Variants in SNX29 observed in about 807,000 individuals in gnomAD.
The protein encoded by SNX29 is sorting nexin 29.
A neutral mutation model predicts 102.1 loss-of-function variants in SNX29; 78 were observed. The observed-to-expected ratio is 0.76, with a 90% CI of 0.64 to 0.92. The LOEUF (loss-of-function observed/expected upper bound fraction) is 0.92. Ranked by LOEUF, SNX29 falls within the 40% of genes least tolerant of loss-of-function variation. SNX29 has a pLI of 0.00. For synonymous variants in SNX29, 580 were observed against 414.5 expected (o/e 1.40, Z -4.85); for missense variants, 1,280 against 1,061.7 (o/e 1.21, Z -2.86).
chr16:12,260,876 G>A (rs983156718), intron 14 of SNX29, among the ~76,000 whole-genome samples: 1 of 150,308 alleles, frequency 6.7e-6, no homozygotes, highest in African/African-American at 2.5e-5. Context: ...GCTTGGGTCT[G>A]TGCATGCGTC....
At chr16:12,037,201 G>C (rs2057499948) in intron 4 of SNX29, among the ~76,000 whole-genome samples, 1 of 152,146 alleles carries the variant, frequency 6.6e-6, no homozygotes, top group African/African-American at 2.4e-5. Flanking sequence ...TCTGCCACTG[G>C]AGCAGAAACT....
Position 12,122,350 on chromosome 16 carries a change from T to A in SNX29, c.1403-4283T>A, listed in dbSNP as rs7203975. 8.6e-3 allele frequency among the ~76,000 whole-genome samples: 1,305 copies of A among 152,174 alleles called. 17 individuals are homozygous for A. The highest frequency in any genetic ancestry group is 0.03 in the African/African-American group (1,227 of 41,512). ...AGTAGGTACCCTTGGTCTCACTGAT[T>A]ACAAGTGGGGTGGGTGGGACTGGAG... is the stretch of plus-strand genomic sequence containing the variant. On this transcript the variant is annotated intron_variant, in intron 11 of 20. Coordinates refer to ENST00000566228, the MANE Select transcript of SNX29 (RefSeq NM_032167.5).
intron 20 of SNX29, among the ~76,000 whole-genome samples, chr16:12,563,215 C>A (rs2078831454): frequency 6.6e-6 from 1 of 152,148 alleles, no homozygotes; most frequent in Admixed American, 6.5e-5. Context: ...GATTGAGGCT[C>A]ATACCCTGAA....
At chr16:12,267,860 G>T (rs773723332) in intron 14 of SNX29, among the ~76,000 whole-genome samples, 1 of 152,160 alleles carries the variant, frequency 6.6e-6, no homozygotes, top group Non-Finnish European at 1.5e-5. Flanking sequence ...GGGGCTGCTT[G>T]TTTTGCTCAG....
At chr16:12,527,232 C>T (rs2076809465) in intron 20 of SNX29, 2 of 533,968 alleles carry the variant, frequency 3.7e-6, no homozygotes, top group Non-Finnish European at 7.3e-6. Context: ...GGATCAGCCA[C>T]AGCCAAGCCT....
intron 14 of SNX29, among the ~76,000 whole-genome samples, chr16:12,221,866 A>G (rs2077487923): frequency 6.6e-6 from 1 of 152,166 alleles, no homozygotes; most frequent in African/African-American, 2.4e-5. Context: ...CCTTGGGTGC[A>G]CTAAGGAACT....
intron 20 of SNX29, among the ~76,000 whole-genome samples, chr16:12,563,555 G>A (rs777521951): frequency 8.5e-5 from 13 of 152,188 alleles, no homozygotes; most frequent in Non-Finnish European, 1.8e-4. Flanking sequence ...TACCTGAGGG[G>A]TCTACCCCAC....
At chr16:12,554,117 C>G (rs771327550) in intron 20 of SNX29, among the ~76,000 whole-genome samples, 1 of 152,228 alleles carries the variant, frequency 6.6e-6, no homozygotes, top group South Asian at 2.1e-4. Flanking sequence ...TCTAAGCCAC[C>G]ATGCCCAGCC....
intron 11 of SNX29, chr16:12,081,870 G>A (rs147011090): frequency 2.1e-3 from 325 of 152,770 alleles, no homozygotes; most frequent in South Asian, 4.2e-3. Context: ...CTCTCCCTTG[G>A]TCCTATGCAA....
At chr16:12,135,728 C>T (rs1309085193) in intron 13 of SNX29, 1 of 753,046 alleles carries the variant, frequency 1.3e-6, no homozygotes, top group African/African-American at 1.8e-5. Flanking sequence ...AAATTGCTTT[C>T]ATTCCTTGAG....
chr16:12,559,314 G>A (rs1018726327), intron 20 of SNX29, among the ~76,000 whole-genome samples: 1 of 151,852 alleles, frequency 6.6e-6, no homozygotes, highest in Non-Finnish European at 1.5e-5. Flanking sequence ...ACCCTATTGT[G>A]AACTGCCCAT....
At chr16:12,155,792 C>T (rs982764053) in intron 13 of SNX29, among the ~76,000 whole-genome samples, 3 of 152,128 alleles carry the variant, frequency 2.0e-5, no homozygotes, top group Non-Finnish European at 2.9e-5. Flanking sequence ...ACTAAGTGAT[C>T]GTGAGTCCCA....
At chr16:12,023,785 G>A (rs1257035918) in intron 3 of SNX29, among the ~76,000 whole-genome samples, 1 of 152,120 alleles carries the variant, frequency 6.6e-6, no homozygotes. Flanking sequence ...TCCACCAGAA[G>A]CTAAAGAGTA....
chr16:12,544,875 C>A (rs892683406), intron 20 of SNX29, among the ~76,000 whole-genome samples: 58 of 152,316 alleles, frequency 3.8e-4, no homozygotes, highest in Admixed American at 3.6e-3. Context: ...CAACACAGCC[C>A]CTGGCCTGTG....
At chr16:12,396,343 T>C (rs1330411952) in intron 16 of SNX29, among the ~76,000 whole-genome samples, 3 of 152,184 alleles carry the variant, frequency 2.0e-5, no homozygotes, top group African/African-American at 7.2e-5. Flanking sequence ...TACAGCCAGA[T>C]GTTCTTGTGA....
At chr16:12,138,745 C>G (rs757023459) in intron 13 of SNX29, among the ~76,000 whole-genome samples, 3 of 152,042 alleles carry the variant, frequency 2.0e-5, no homozygotes, top group Non-Finnish European at 2.9e-5. Context: ...GAGAGGGGTT[C>G]TTTCACTAGA....
chr16:12,002,482 T>C (rs1338055701), intron 2 of SNX29, among the ~76,000 whole-genome samples: 1 of 152,036 alleles, frequency 6.6e-6, no homozygotes, highest in Non-Finnish European at 1.5e-5. Context: ...CTGCTTCTAT[T>C]TTTCCCACCC....
At chr16:12,481,542 ACACACACACACACC>A (rs2087930250) in intron 19 of SNX29, among the ~76,000 whole-genome samples, 2 of 126,290 alleles carry the variant, frequency 1.6e-5, no homozygotes, top group Non-Finnish European at 3.6e-5. Context: ...ACACACACAC[ACACACACACACACC>A]CCAAATGTCA....
chr16:12,126,753 G>A (rs1287173539), intron 12 of SNX29, 57 bp downstream of exon 12: 53 of 1,588,726 alleles, frequency 3.3e-5, no homozygotes, highest in Non-Finnish European at 4.3e-5. Flanking sequence ...CTGCCTCTGG[G>A]GAAGACAGAA....
Sources: allele counts gnomAD v4.1 joint callset (sites outside exome capture counted in the v4.1 genomes callset), GRCh38; gene constraint gnomAD v4.1.1; transcripts MANE v1.5; gene names NCBI Gene and HGNC (gene_info 2026-07-23, HGNC 2026-07-21).